Variants in HDAC9 observed in about 807,000 individuals in gnomAD.
The protein encoded by HDAC9 is histone deacetylase 9, also known as MEF-2 interacting transcription repressor (MITR) protein.
HDAC9 carries 41 observed loss-of-function variants against 139.4 expected under a neutral mutation model. That is an observed-to-expected ratio of 0.29 (90% CI 0.23 to 0.38). HDAC9 has a LOEUF of 0.38. Ranked by LOEUF, HDAC9 falls within the 10% of genes least tolerant of loss-of-function variation. HDAC9 has a pLI of 1.00. For synonymous variants in HDAC9, 517 were observed against 476.2 expected (o/e 1.09, Z -1.12); for missense variants, 1,147 against 1,297.0 (o/e 0.88, Z 1.78).
chr7:18,243,565 C>A lies in HDAC9; in HGVS notation c.25+81216C>A, dbSNP rs964075470. Among the ~76,000 whole-genome samples, 7 of 152,274 alleles carry A rather than the reference C, an allele frequency of 4.6e-5. No homozygotes were observed. The East Asian group carries it at 1.4e-3, about 29-fold the overall frequency. ...GGGGACAGCTCTACTGCTTGCTGAG[C>A]AGTCTCCATTCAGAAGTGTTTCCCT... On this transcript the variant is annotated intron_variant, in intron 2 of 12. Transcript: ENST00000417496.
chr7:18,406,685 G>A (rs979358852), intron 1 of HDAC9, among the ~76,000 whole-genome samples: 5 of 152,066 alleles, frequency 3.3e-5, no homozygotes, highest in African/African-American at 9.7e-5. Flanking sequence ...TGCCATGCCC[G>A]GCCTTCCCCT....
intron 2 of HDAC9, among the ~76,000 whole-genome samples, chr7:18,544,894 C>G (rs1814265508): frequency 6.6e-6 from 1 of 152,148 alleles, no homozygotes; most frequent in African/African-American, 2.4e-5. Context: ...ACCTGTGAAC[C>G]TCACATAGGA....
At position 18,840,606 on chromosome 7, in the gene HDAC9, A is replaced by G. The variant is rs535632241; in HGVS notation, c.2684+4609A>G. Among the ~76,000 whole-genome samples the G allele has an allele frequency of 3.3e-5, 5 of 152,188 alleles. No individual in the cohort carries two copies. In the South Asian group the frequency reaches 8.3e-4, roughly 25 times the overall value. On this transcript the variant is annotated intron_variant, in intron 21 of 25. Coordinates refer to ENST00000686413, the MANE Select transcript of HDAC9 (RefSeq NM_178425.4). ...GTGCTTCTAAATTTAGGCATTACTA[A>G]AATATTTTGGACATATCATTAACTG... is the stretch of plus-strand genomic sequence containing the variant.
At chr7:18,540,879 T>C (rs923429973) in intron 2 of HDAC9, among the ~76,000 whole-genome samples, 3 of 152,204 alleles carry the variant, frequency 2.0e-5, no homozygotes, top group Non-Finnish European at 4.4e-5. Context: ...ACTTTACATA[T>C]GTTAACCTAC....
chr7:18,252,007 T>C (rs1195062998), intron 2 of HDAC9, among the ~76,000 whole-genome samples: 1 of 152,206 alleles, frequency 6.6e-6, no homozygotes, highest in Non-Finnish European at 1.5e-5. Flanking sequence ...CTTCTATCAC[T>C]ATCATGCAAA....
At chr7:18,483,507 A>G (rs938075128) in intron 1 of HDAC9, among the ~76,000 whole-genome samples, 4 of 152,214 alleles carry the variant, frequency 2.6e-5, no homozygotes, top group Admixed American at 6.5e-5. Context: ...CATTGTTGTT[A>G]TGATCATAGG....
rs528803381 is a variant in HDAC9, at chr7:18,541,487, T to C, written c.23-43794T>C. Among the ~76,000 whole-genome samples, 5 of 152,262 alleles carry C rather than the reference T, an allele frequency of 3.3e-5. No individual in the cohort carries two copies. The South Asian group carries it at 6.2e-4, about 19-fold the overall frequency. Reference sequence around the variant, plus strand: ...AATTGGGGCTCAACTGTCTCTCTAATACATTCTTTCCTTAATTTTATGTTT... The same window carrying C: ...AATTGGGGCTCAACTGTCTCTCTAACACATTCTTTCCTTAATTTTATGTTT... On this transcript the variant is annotated intron_variant, in intron 2 of 25. Coordinates refer to ENST00000686413, the MANE Select transcript of HDAC9 (RefSeq NM_178425.4).
intron 1 of HDAC9, among the ~76,000 whole-genome samples, chr7:18,385,341 C>T (rs919745772): frequency 6.6e-6 from 1 of 151,776 alleles, no homozygotes; most frequent in Non-Finnish European, 1.5e-5. Flanking sequence ...CTTCTAAAAT[C>T]ATATCATTTT....
At chr7:18,970,297 A>C (rs1355872582) in intron 24 of HDAC9, among the ~76,000 whole-genome samples, 1 of 152,114 alleles carries the variant, frequency 6.6e-6, no homozygotes, top group Admixed American at 6.5e-5. Flanking sequence ...GTTATTTTCT[A>C]AGGTTCAGAT....
intron 1 of HDAC9, among the ~76,000 whole-genome samples, chr7:18,416,002 GA>G (rs948191398): frequency 6.6e-6 from 1 of 151,840 alleles, no homozygotes; most frequent in African/African-American, 2.4e-5. Flanking sequence ...ATTTTATTTA[GA>G]ATTTTTGCAG....
chr7:18,681,335 T>C (rs1781874610), intron 12 of HDAC9, among the ~76,000 whole-genome samples: 1 of 152,052 alleles, frequency 6.6e-6, no homozygotes, highest in South Asian at 2.1e-4. Context: ...TTCAGAATTG[T>C]TCTCAATATT....
chr7:18,335,488 T>C lies in HDAC9; in HGVS notation c.-42+44973T>C, dbSNP rs113039859. ...TACATGGATTTTCTTCTTATCTTAG[T>C]GCAAGTCTGGGAAGGCTATTAGCTG... is the stretch of plus-strand genomic sequence containing the variant. On this transcript the variant is annotated intron_variant, in intron 1 of 3. Transcript: ENST00000413509. Among the ~76,000 whole-genome samples the C allele has an allele frequency of 1.8e-3, 276 of 151,676 alleles. 1 individual carries two copies. Among genetic ancestry groups the C allele is most frequent in the African/African-American group, 6.2e-3 (257 of 41,462 alleles).
At chr7:18,661,416 G>T (rs373333873) in intron 11 of HDAC9, among the ~76,000 whole-genome samples, 23 of 152,020 alleles carry the variant, frequency 1.5e-4, no homozygotes, top group African/African-American at 5.3e-4. Flanking sequence ...TGCAAGTTTG[G>T]AGCTCAGGGG....
intron 22 of HDAC9, among the ~76,000 whole-genome samples, chr7:18,904,957 G>A (rs942967679): frequency 1.3e-5 from 2 of 151,838 alleles, no homozygotes; most frequent in African/African-American, 2.4e-5. Flanking sequence ...GGAGTTCAGT[G>A]GCGGGATGTC....
At chr7:18,775,336 G>T (rs1469039703) in intron 16 of HDAC9, among the ~76,000 whole-genome samples, 1 of 152,076 alleles carries the variant, frequency 6.6e-6, no homozygotes, top group Non-Finnish European at 1.5e-5. Flanking sequence ...ACTTGGCGTT[G>T]CCACAAACCT....
At chr7:18,290,330 T>C (rs567986482), upstream of HDAC9, 7 of 372,768 alleles carry the variant, frequency 1.9e-5, no homozygotes, top group Admixed American at 1.1e-4. Context: ...AAAACTGATA[T>C]TGCATCTGTA....
intron 22 of HDAC9, among the ~76,000 whole-genome samples, chr7:18,884,530 G>A (rs960100313): frequency 2.0e-5 from 3 of 152,108 alleles, no homozygotes; most frequent in Non-Finnish European, 2.9e-5. Context: ...CTTATACCAT[G>A]TAAAAAAAAT....
chr7:18,513,765 A>G (rs1802321890), intron 2 of HDAC9, among the ~76,000 whole-genome samples: 1 of 152,208 alleles, frequency 6.6e-6, no homozygotes, highest in South Asian at 2.1e-4. Context: ...GGTCCCTGCC[A>G]TCCTTAAAAA....
intron 21 of HDAC9, among the ~76,000 whole-genome samples, chr7:18,848,773 T>A (rs1797077105): frequency 6.6e-6 from 1 of 152,210 alleles, no homozygotes; most frequent in Non-Finnish European, 1.5e-5. Flanking sequence ...CCAAAAAAAG[T>A]ATCTTCCAAA....
Sources: allele counts gnomAD v4.1 joint callset (sites outside exome capture counted in the v4.1 genomes callset), GRCh38; gene constraint gnomAD v4.1.1; transcripts MANE v1.5; gene names NCBI Gene and HGNC (gene_info 2026-07-23, HGNC 2026-07-21).